The following ZC3H14 variants were observed in gnomAD, a reference collection of about 807,000 sequenced individuals.
The protein encoded by ZC3H14 is zinc finger CCCH domain-containing protein 14.
ZC3H14 carries 31 observed loss-of-function variants against 92.4 expected under a neutral mutation model. The observed-to-expected ratio is 0.34, with a 90% CI of 0.25 to 0.45. The LOEUF (loss-of-function observed/expected upper bound fraction) is 0.45. ZC3H14 is among the 20% of genes least tolerant of loss of function. ZC3H14 has a pLI of 1.00. For missense variants in ZC3H14, 781 were observed against 897.3 expected, an observed-to-expected ratio of 0.87 and a Z score of 1.66; for synonymous variants, 321 against 300.9, an observed-to-expected ratio of 1.07 and a Z score of -0.69.
At chr14:88,585,475 C>G (rs2082365349) in intron 9 of ZC3H14, among the ~76,000 whole-genome samples, 1 of 151,336 alleles carries the variant, frequency 6.6e-6, no homozygotes, top group African/African-American at 2.4e-5. Context: ...CTCCTTGGTT[C>G]AAGTGATTCT....
In ZC3H14 at chr14:88,563,038, G is replaced by A; in HGVS notation, c.-96G>A. On this transcript the variant is annotated 5_prime_UTR_variant, in exon 1 of 17. Transcript: ENST00000251038. ...CGCGGCCGGGGGCGGAACGGAGGAG[G>A]AGGCGGTGGTGTCCCGGCTGCGGGG... The A allele has an allele frequency of 1.3e-6, 2 of 1,508,442 alleles. No individual in the cohort carries two copies. Among genetic ancestry groups the A allele is most frequent in the Non-Finnish European group, 8.9e-7 (1 of 1,125,588 alleles). 93.4% of individuals were successfully genotyped at this position (1,508,442 alleles called of 1,614,324 possible). A position where few individuals can be genotyped will look rare whatever the true frequency, so the allele number is the denominator to read the frequency against.
chr14:88,581,652 G>C (rs1424344274), intron 9 of ZC3H14, among the ~76,000 whole-genome samples: 2 of 152,128 alleles, frequency 1.3e-5, no homozygotes, highest in African/African-American at 4.8e-5. Context: ...CATGATCCTG[G>C]AATGGCTCAA....
At position 88,625,784 on chromosome 14, in the gene ZC3H14, T is replaced by C. The variant is rs1024999752; in HGVS notation, c.*14033T>C. On this transcript the variant is annotated 3_prime_UTR_variant, in exon 17 of 17. Transcript: ENST00000251038. ...ATTTGACATGGCACAAACATTTCAA[T>C]AGTCTTTTTCTCAAAAATGTAAGTG... 16 of 152,368 alleles carry C rather than the reference T, an allele frequency of 1.1e-4. No homozygotes were observed. Among genetic ancestry groups the C allele is most frequent in the Non-Finnish European group, 1.9e-4 (13 of 68,046 alleles). The allele number at this position is 152,368 out of a possible 1,614,324, so 9.4% of individuals were successfully genotyped here. A position where few individuals can be genotyped will look rare whatever the true frequency, so the allele number is the denominator to read the frequency against.
intron 9 of ZC3H14, among the ~76,000 whole-genome samples, chr14:88,584,163 T>A (rs968933392): frequency 3.3e-5 from 5 of 152,246 alleles, no homozygotes; most frequent in Admixed American, 2.0e-4. Flanking sequence ...GCCTTTGTTT[T>A]CAGTTTTCTC....
Position 88,606,747 on chromosome 14 carries a change from T to TAAAAA in ZC3H14, c.1748-477_1748-473dup, listed in dbSNP as rs34408574. 1.5e-3 allele frequency among the ~76,000 whole-genome samples: 148 copies of TAAAAA among 95,866 alleles called. 1 individual carries two copies. Among genetic ancestry groups the TAAAAA allele is most frequent in the Non-Finnish European group, 2.1e-3 (110 of 51,366 alleles). 62.9% of individuals were successfully genotyped at this position (95,866 alleles called of 152,430 possible). On this transcript the variant is annotated intron_variant, in intron 12 of 16. Coordinates refer to ENST00000251038, the MANE Select transcript of ZC3H14 (RefSeq NM_024824.5). ...TGGGTGACAGAGCAGGACCCTGTCG[T>TAAAAA]AAAAAAAAAAAAAAAAAAAAAAAGT...
intron 15 of ZC3H14, among the ~76,000 whole-genome samples, chr14:88,610,165 A>G (rs975969867): frequency 2.6e-5 from 4 of 152,156 alleles, no homozygotes; most frequent in African/African-American, 9.7e-5. Context: ...AAACCATCCA[A>G]ACTTGTACTG....
At chr14:88,564,348 G>A (rs2079286779) in intron 2 of ZC3H14, among the ~76,000 whole-genome samples, 1 of 152,134 alleles carries the variant, frequency 6.6e-6, no homozygotes, top group Non-Finnish European at 1.5e-5. Context: ...TATTGTATAT[G>A]TATTAACTCA....
At chr14:88,609,001 G>GT in intron 13 of ZC3H14, 1 of 464,200 alleles carries the variant, frequency 2.2e-6, no homozygotes, top group Non-Finnish European at 3.9e-6. Flanking sequence ...TTTTTATTAA[G>GT]TGGTGTGATT....
chr14:88,621,297 T>G lies in ZC3H14; in HGVS notation c.*9546T>G. ...AGCATTCCTTGTCCCAACAAGGATCTTGCCCTGAAACACAAGCAGGACCAA... is the reference window on the plus strand; with the variant it reads ...AGCATTCCTTGTCCCAACAAGGATCGTGCCCTGAAACACAAGCAGGACCAA... On this transcript the variant is annotated 3_prime_UTR_variant, in exon 17 of 17. Coordinates refer to ENST00000251038, the MANE Select transcript of ZC3H14 (RefSeq NM_024824.5). 1 of 1,613,930 alleles carries G rather than the reference T, an allele frequency of 6.2e-7. No individual in the cohort carries two copies. Among genetic ancestry groups the G allele is most frequent in the East Asian group, 2.2e-5 (1 of 44,870 alleles).
intron 10 of ZC3H14, among the ~76,000 whole-genome samples, chr14:88,601,148 CT>C (rs2084593168): frequency 1.3e-5 from 2 of 152,156 alleles, no homozygotes; most frequent in South Asian, 4.2e-4. Flanking sequence ...GTCTGTTTTT[CT>C]TTTTTTCTTT....
intron 8 of ZC3H14, among the ~76,000 whole-genome samples, chr14:88,577,734 T>A (rs1454602283): frequency 2.0e-5 from 3 of 152,012 alleles, no homozygotes; most frequent in Non-Finnish European, 4.4e-5. Context: ...TATGCCCGGC[T>A]AGTGTTTGTA....
In ZC3H14 at chr14:88,618,022, C is replaced by A. The variant is rs1045601026; in HGVS notation, c.*6271C>A. On this transcript the variant is annotated 3_prime_UTR_variant, in exon 17 of 17. Transcript: ENST00000251038. Reference sequence around the variant, plus strand: ...AACTTTGATTTCCTTAAAAAAAAAACTTGATAAATCATGGAAACTGATAAA... The same window carrying A: ...AACTTTGATTTCCTTAAAAAAAAAAATTGATAAATCATGGAAACTGATAAA... 1.7e-4 allele frequency: 51 copies of A among 300,506 alleles called. No homozygotes were observed. The highest frequency in any genetic ancestry group is 9.4e-4 in the Middle Eastern group (1 of 1,066). The allele number at this position is 300,506 out of a possible 1,614,324, so 18.6% of individuals were successfully genotyped here.
At position 88,622,377 on chromosome 14, in the gene ZC3H14, T is replaced by C. The variant is rs1337852994; in HGVS notation, c.*10626T>C. 22 of 375,028 alleles carry C rather than the reference T, an allele frequency of 5.9e-5. No individual in the cohort carries two copies. Among genetic ancestry groups the C allele is most frequent in the Non-Finnish European group, 1.9e-5 (4 of 211,310 alleles). 23.2% of individuals were successfully genotyped at this position (375,028 alleles called of 1,614,324 possible). ...TGTTAAATTGGCAGATTCTAGAAAA[T>C]ATTGGAGGTTTACATACAGTATTTA... is the stretch of plus-strand genomic sequence containing the variant. On this transcript the variant is annotated 3_prime_UTR_variant, in exon 17 of 17. Transcript: ENST00000251038.
chr14:88,578,534 C>T (rs2081457616), intron 9 of ZC3H14, among the ~76,000 whole-genome samples: 1 of 152,148 alleles, frequency 6.6e-6, no homozygotes, highest in Non-Finnish European at 1.5e-5. Context: ...CTCTCATGAA[C>T]CCAGTCATTA....
chr14:88,600,206 A>G (rs2084411332), intron 10 of ZC3H14, among the ~76,000 whole-genome samples: 1 of 152,198 alleles, frequency 6.6e-6, no homozygotes, highest in Non-Finnish European at 1.5e-5. Flanking sequence ...TACCATCTGT[A>G]CTGCCCTTGC....
chr14:88,574,753 T>A lies in ZC3H14; in HGVS notation c.922T>A (p.Phe308Ile), dbSNP rs750993458. The A allele has an allele frequency of 2.1e-4, 336 of 1,613,962 alleles. No individual in the cohort carries two copies. The highest frequency in any genetic ancestry group is 2.6e-4 in the Non-Finnish European group (307 of 1,180,008). The change falls in exon 7 of 17, where the codon TTC becomes ATC. Residue 308 changes from phenylalanine (F) to isoleucine (I), a missense_variant. Transcript: ENST00000251038. ...AAGTTCAGTTGTTAAAGTAAAAAAATTCAATCATGATGGAGAAGAGGAGGA... is the reference window on the plus strand; with the variant it reads ...AAGTTCAGTTGTTAAAGTAAAAAAAATCAATCATGATGGAGAAGAGGAGGA... Reference protein sequence around the residue: ...VVSSVVKVKKFNHDGEEEEED... With the variant: ...VVSSVVKVKKINHDGEEEEED...
chr14:88,565,437 G>A (rs988640466), intron 2 of ZC3H14, among the ~76,000 whole-genome samples: 7 of 152,008 alleles, frequency 4.6e-5, no homozygotes, highest in Admixed American at 2.0e-4. Flanking sequence ...CACTGCATCC[G>A]GCCAACTCAA....
At chr14:88,603,622 C>G (rs2084933325) in intron 12 of ZC3H14, among the ~76,000 whole-genome samples, 1 of 152,204 alleles carries the variant, frequency 6.6e-6, no homozygotes, top group Non-Finnish European at 1.5e-5. Flanking sequence ...CCGTTTCTTT[C>G]ACTGGGTATC....
rs776663390 is a variant in ZC3H14, at chr14:88,621,202, T to C, written c.*9451T>C. 11 of 1,613,840 alleles carry C rather than the reference T, an allele frequency of 6.8e-6. 1 individual carries two copies. Among genetic ancestry groups the C allele is most frequent in the Admixed American group, 3.3e-5 (2 of 60,000 alleles). On this transcript the variant is annotated 3_prime_UTR_variant, in exon 17 of 17. Transcript: ENST00000251038. ...GAAGGATGTGTTGCTAGTCCCCAGA[T>C]TGGCCCATCCACATGACCGTTAACT... is the stretch of plus-strand genomic sequence containing the variant.
Sources: gnomAD v4.1 joint callset for allele counts (sites outside exome capture counted in the v4.1 genomes callset) on GRCh38, gnomAD v4.1.1 for gene constraint, MANE v1.5 for transcripts, NCBI Gene and HGNC (gene_info 2026-07-23, HGNC 2026-07-21) for gene names.